The following GDAP2 variants were observed in gnomAD, a reference collection of about 807,000 sequenced individuals.
GDAP2 encodes the protein ganglioside induced differentiation associated protein 2.
GDAP2 carries 51 observed loss-of-function variants against 67.0 expected under a neutral mutation model. That is an observed-to-expected ratio of 0.76 (90% CI 0.61 to 0.96). GDAP2 has a LOEUF of 0.96. Among genes scored for constraint, GDAP2 ranks in the 40% least tolerant of loss-of-function variants. The pLI is 0.00. For synonymous variants in GDAP2, 203 were observed against 207.3 expected, an observed-to-expected ratio of 0.98 and a Z score of 0.18; for missense variants, 547 against 588.3, an observed-to-expected ratio of 0.93 and a Z score of 0.73.
At chr1:117,902,623 G>A (rs945194541) in intron 6 of GDAP2, among the ~76,000 whole-genome samples, 9 of 152,086 alleles carry the variant, frequency 5.9e-5, no homozygotes, top group African/African-American at 2.2e-4. Context: ...TGACCTATAC[G>A]TTTATCCTTA....
chr1:117,886,911 A>C lies in GDAP2; in HGVS notation c.1031-258T>G, dbSNP rs140009167. Among the ~76,000 whole-genome samples the C allele has an allele frequency of 6.8e-3, 1,035 of 152,190 alleles. 9 individuals are homozygous for C. Among genetic ancestry groups the C allele is most frequent in the African/African-American group, 0.023 (971 of 41,536 alleles). ...ATTTTAAATCAAGAACAAACAGCCA[A>C]AGATCTTTTAAAATATTTTATTATT... On this transcript the variant is annotated intron_variant, in intron 9 of 13. Coordinates refer to ENST00000369443, the MANE Select transcript of GDAP2 (RefSeq NM_017686.4).
chr1:117,880,679 G>A (rs1648621448), intron 12 of GDAP2, among the ~76,000 whole-genome samples: 1 of 152,220 alleles, frequency 6.6e-6, no homozygotes, highest in African/African-American at 2.4e-5. Flanking sequence ...GGATTAAAAT[G>A]CCTAGATTCA....
Position 117,866,363 on chromosome 1 carries a change from GAAAT to G in GDAP2, c.*4202_*4205del, listed in dbSNP as rs1648060347. 1 of 152,280 alleles carries G rather than the reference GAAAT, an allele frequency of 6.6e-6. No homozygotes were observed. The highest frequency in any genetic ancestry group is 1.5e-5 in the Non-Finnish European group (1 of 68,014). The allele number at this position is 152,280 out of a possible 1,614,324, so 9.4% of individuals were successfully genotyped here. A position where few individuals can be genotyped will look rare whatever the true frequency, so the allele number is the denominator to read the frequency against. On this transcript the variant is annotated 3_prime_UTR_variant, in exon 14 of 14. Coordinates refer to ENST00000369443, the MANE Select transcript of GDAP2 (RefSeq NM_017686.4). ...GGGGTTTCTCAGCCTCCAACTGTGA[GAAAT>G]AAATGTGTTTTGTTACGCCACCCAG...
chr1:117,877,913 T>C (rs1407017803), intron 13 of GDAP2, 96 bp downstream of exon 13: 39 of 1,419,704 alleles, frequency 2.7e-5, no homozygotes, highest in Non-Finnish European at 3.4e-5. Context: ...TTTACATTAA[T>C]ATCTGGTAAT....
chr1:117,874,467 T>C (rs1648389420), intron 13 of GDAP2, among the ~76,000 whole-genome samples: 1 of 152,212 alleles, frequency 6.6e-6, no homozygotes, highest in African/African-American at 2.4e-5. Context: ...GCTGGTGTGA[T>C]GCTTCTTGTA....
chr1:117,870,708 T>A, intron 13 of GDAP2, 92 bp from the exon 14 acceptor site: 1 of 863,638 alleles, frequency 1.2e-6, no homozygotes, highest in Non-Finnish European at 2.0e-6. Flanking sequence ...ATTGAGGTAG[T>A]GATATAAAAT....
At chr1:117,902,791 G>A (rs1451892522) in intron 6 of GDAP2, among the ~76,000 whole-genome samples, 1 of 152,030 alleles carries the variant, frequency 6.6e-6, no homozygotes, top group Admixed American at 6.6e-5. Flanking sequence ...GATAATTTCT[G>A]CAAAAAATGA....
intron 1 of GDAP2, 32 bp from the exon 2 acceptor site, chr1:117,920,456 G>C: frequency 1.4e-6 from 1 of 701,062 alleles, no homozygotes; most frequent in Non-Finnish European, 2.4e-6. Context: ...CACTTTAATA[G>C]AGAAGCACAG....
rs1648213604 is a variant in GDAP2 at position 117,870,351 on chromosome 1, T to C, written c.*218A>G. 2 of 531,914 alleles carry C rather than the reference T, an allele frequency of 3.8e-6. No individual in the cohort carries two copies. The highest frequency in any genetic ancestry group is 3.8e-5 in the Admixed American group (1 of 26,324). The allele number at this position is 531,914 out of a possible 1,614,324, so 32.9% of individuals were successfully genotyped here. On this transcript the variant is annotated 3_prime_UTR_variant, in exon 14 of 14. Transcript: ENST00000369443. ...TCTAAAAATGAACATTTCCATTTCA[T>C]ATAAATATACAAATTTAAAATGTGT...
chr1:117,902,092 GC>G, intron 6 of GDAP2, among the ~76,000 whole-genome samples: 2 of 152,186 alleles, frequency 1.3e-5, no homozygotes, highest in South Asian at 4.2e-4. Flanking sequence ...TCCTCCCGTG[GC>G]CCTGCATAGC....
intron 13 of GDAP2, among the ~76,000 whole-genome samples, chr1:117,874,771 T>C (rs558187592): frequency 6.6e-6 from 1 of 152,206 alleles, no homozygotes; most frequent in East Asian, 1.9e-4. Context: ...ATACAGACAG[T>C]AAAGGCCATG....
At chr1:117,904,659 G>C (rs1200419456) in intron 6 of GDAP2, among the ~76,000 whole-genome samples, 1 of 152,136 alleles carries the variant, frequency 6.6e-6, no homozygotes, top group Non-Finnish European at 1.5e-5. Context: ...CGGCACTGTG[G>C]TGCATACCTT....
At chr1:117,886,706 T>C in intron 9 of GDAP2, 53 bp from the exon 10 acceptor site, 2 of 900,282 alleles carry the variant, frequency 2.2e-6, no homozygotes, top group East Asian at 2.4e-5. Context: ...AAGAATACTA[T>C]TTGTCTTGGG....
rs973195788 is a variant in GDAP2, at chr1:117,896,949, G to A, written c.837C>T (p.Leu279=). Residue 279 remains leucine, a synonymous_variant, in exon 8 of 14, where the codon CTC becomes CTT. Coordinates refer to ENST00000369443, the MANE Select transcript of GDAP2 (RefSeq NM_017686.4). ...CAAAAGCATGAGAGCCAATGAAAGAGAGATCAACTCCCAAGCCTTCATCCT... is the reference window on the plus strand; with the variant it reads ...CAAAAGCATGAGAGCCAATGAAAGAAAGATCAACTCCCAAGCCTTCATCCT... ...EEEDEGLGVD[L]SFIGSHAFAR... is the part of the protein sequence containing the mutation. The A allele has an allele frequency of 6.2e-7, 1 of 1,611,916 alleles. No homozygotes were observed. The highest frequency in any genetic ancestry group is 8.5e-7 in the Non-Finnish European group (1 of 1,178,382).
At chr1:117,922,864 A>C (rs1650306588) in intron 1 of GDAP2, among the ~76,000 whole-genome samples, 1 of 152,182 alleles carries the variant, frequency 6.6e-6, no homozygotes. Flanking sequence ...GAATTTCCTA[A>C]TCCTAGCAAG....
Position 117,887,705 on chromosome 1 carries a change from G to T in GDAP2, c.1023C>A (p.Tyr341Ter), listed in dbSNP as rs570113715. The T allele has an allele frequency of 1.3e-6, 2 of 1,522,280 alleles. No individual in the cohort carries two copies. The highest frequency in any genetic ancestry group is 1.4e-5 in the African/African-American group (1 of 73,240). 94.3% of individuals were successfully genotyped at this position (1,522,280 alleles called of 1,614,324 possible). ...LSDIASLKALYQTGVDNCGRT... is the reference protein window; with the variant it reads ...LSDIASLKAL The stretch of plus-strand genomic sequence containing the variant: ...CCATATATTTAAGCTCACCTGTTTG[G>T]TATAAGGCTTTTAGAGAAGCAATAT... The change falls in exon 9 of 14, where the codon TAC becomes TAA. Residue 341 changes from tyrosine to a stop codon, truncating the protein, a stop_gained. Coordinates refer to ENST00000369443, the MANE Select transcript of GDAP2 (RefSeq NM_017686.4). LOFTEE classifies it high-confidence loss of function.
intron 7 of GDAP2, among the ~76,000 whole-genome samples, chr1:117,898,386 A>C (rs1649331725): frequency 6.6e-6 from 1 of 152,210 alleles, no homozygotes. Flanking sequence ...CTTGTGATAA[A>C]ATCTTGAGTT....
intron 11 of GDAP2, 21 bp downstream of exon 11, chr1:117,883,467 T>A: frequency 6.3e-7 from 1 of 1,587,830 alleles, no homozygotes; most frequent in Admixed American, 1.7e-5. Context: ...TTCCCCTTCA[T>A]AATTTGCAAA....
At chr1:117,919,370 CAAA>C (rs533363950) in intron 2 of GDAP2, among the ~76,000 whole-genome samples, 2 of 94,390 alleles carry the variant, frequency 2.1e-5, no homozygotes, top group Admixed American at 2.3e-4. Flanking sequence ...CAAGACTCCT[CAAA>C]AAAAAAAAAA....
Sources: gnomAD v4.1 joint callset for allele counts (sites outside exome capture counted in the v4.1 genomes callset) on GRCh38, gnomAD v4.1.1 for gene constraint, MANE v1.5 for transcripts, NCBI Gene and HGNC (gene_info 2026-07-23, HGNC 2026-07-21) for gene names.